RALGDS: variants seen among roughly 807,000 people sequenced by gnomAD.
RALGDS encodes ral guanine nucleotide dissociation stimulator, also known as ral guanine nucleotide exchange factor.
RALGDS carries 44 observed loss-of-function variants against 99.8 expected under a neutral mutation model. The observed-to-expected ratio is 0.44, with a 90% CI of 0.35 to 0.57. The LOEUF is 0.57. Ranked by LOEUF, RALGDS falls within the 20% of genes least tolerant of loss-of-function variation. The pLI is 0.01. For synonymous variants in RALGDS, 529 were observed against 505.0 expected (o/e 1.05, Z -0.64); for missense variants, 1,022 against 1,203.1 (o/e 0.85, Z 2.23).
chr9:133,131,352 C>T (rs1832329937), upstream of RALGDS, among the ~76,000 whole-genome samples: 2 of 152,088 alleles, frequency 1.3e-5, no homozygotes, highest in East Asian at 1.9e-4. Context: ...GCCCTGAAAC[C>T]TACCTCCCTG....
chr9:133,134,019 T>G (rs532078821), upstream of RALGDS, among the ~76,000 whole-genome samples: 1 of 152,208 alleles, frequency 6.6e-6, no homozygotes, highest in Non-Finnish European at 1.5e-5. Flanking sequence ...TCTTTCCTGC[T>G]GCTAACTTGA....
chr9:133,148,948 A>C, intron 1 of RALGDS: 2 of 1,601,500 alleles, frequency 1.2e-6, no homozygotes, highest in East Asian at 4.5e-5. Context: ...GAGGCTGGGG[A>C]CGGCGCGCAC....
chr9:133,098,452 C>T lies in RALGDS; in HGVS notation c.*135G>A, dbSNP rs1230800712. On this transcript the variant is annotated 3_prime_UTR_variant, in exon 18 of 18. Transcript: ENST00000372050. ...CAATGGCAGGCGTCAATCCCAGCAG[C>T]GGGAGAGGTTCAGGATGAAACTGGA... 1.9e-5 allele frequency: 18 copies of T among 926,384 alleles called. No individual in the cohort carries two copies. Among genetic ancestry groups the T allele is most frequent in the Middle Eastern group, 6.4e-4 (2 of 3,114 alleles). 57.4% of individuals were successfully genotyped at this position (926,384 alleles called of 1,614,324 possible).
intron 16 of RALGDS, 57 bp from the exon 17 acceptor site, chr9:133,100,439 G>T: frequency 6.2e-7 from 1 of 1,609,296 alleles, no homozygotes; most frequent in Non-Finnish European, 8.5e-7. Flanking sequence ...GGCTCCCCCA[G>T]AGTGCAGTGG....
At position 133,108,257 on chromosome 9, in the gene RALGDS, C is replaced by A; in HGVS notation, c.928G>T (p.Ala310Ser). 6.3e-7 allele frequency: 1 copy of A among 1,593,470 alleles called. No homozygotes were observed. Among genetic ancestry groups the A allele is most frequent in the Non-Finnish European group, 8.5e-7 (1 of 1,169,642 alleles). ...GCCTGCTGGAGCTCCGGAGCTGGTG[C>A]TGGAGCTACTTCTAGCTCTGAACCT... ...APGSELEVAP[A>S]PAPELQQAPE... Residue 310 changes from alanine (A) to serine (S), a missense_variant, in exon 6 of 18, where the codon GCA (alanine) becomes TCA (serine). By Grantham distance (99) the Ala-to-Ser change is moderately conservative (BLOSUM62 1). Coordinates refer to ENST00000372050, the MANE Select transcript of RALGDS (RefSeq NM_006266.4).
upstream of RALGDS, among the ~76,000 whole-genome samples, chr9:133,133,963 C>G (rs529631167): frequency 2.2e-4 from 34 of 152,354 alleles, no homozygotes; most frequent in East Asian, 7.7e-4. Context: ...GCACCACATC[C>G]TGTCCAGGAA....
rs1830681020 is a variant in RALGDS at position 133,100,043 on chromosome 9, G to A, written c.2569+225C>T. On this transcript the variant is annotated intron_variant, in intron 17 of 17. Coordinates refer to ENST00000372050, the MANE Select transcript of RALGDS (RefSeq NM_006266.4). ...TTTTCTCTTTGCTCCTCACTGATGTGAGCTTTGAACTGCCTGTTCACGCCT... is the reference window on the plus strand; with the variant it reads ...TTTTCTCTTTGCTCCTCACTGATGTAAGCTTTGAACTGCCTGTTCACGCCT... 4 of 608,110 alleles carry A rather than the reference G, an allele frequency of 6.6e-6. No homozygotes were observed. In the South Asian group the frequency reaches 7.5e-5, roughly 11 times the overall value. 37.7% of individuals were successfully genotyped at this position (608,110 alleles called of 1,614,324 possible). A position where few individuals can be genotyped will look rare whatever the true frequency, so the allele number is the denominator to read the frequency against.
intron 1 of RALGDS, among the ~76,000 whole-genome samples, chr9:133,120,398 T>A (rs1398665419): frequency 6.6e-6 from 1 of 151,052 alleles, no homozygotes; most frequent in Non-Finnish European, 1.5e-5. Context: ...TCCCACGTGT[T>A]GGAGGCCTGC....
rs1831161303 is a variant in RALGDS at position 133,108,121 on chromosome 9, G to A, written c.1064C>T (p.Pro355Leu). 1.2e-6 allele frequency: 2 copies of A among 1,610,572 alleles called. No homozygotes were observed. The highest frequency in any genetic ancestry group is 1.1e-5 in the South Asian group (1 of 90,984). ...AGGCTGTAATGATGGAACTGGTGCT[G>A]GAGCTGGCTCCAGCTCTAGAGTTTG... ...PSQTLELEPA[P>L]APVPSLQPSW... is the part of the protein sequence containing the mutation. The change falls in exon 6 of 18, where the codon CCA becomes CTA. Residue 355 changes from proline (P) to leucine (L), a missense_variant. Transcript: ENST00000372050.
chr9:133,110,162 A>G, intron 3 of RALGDS, 134 bp downstream of exon 3: 1 of 948,236 alleles, frequency 1.1e-6, no homozygotes, highest in South Asian at 1.5e-5. Flanking sequence ...AGGTCCTCTT[A>G]GCACTCCAGT....
At chr9:133,102,221 A>T in intron 14 of RALGDS, 82 bp from the exon 15 acceptor site, 1 of 1,446,612 alleles carries the variant, frequency 6.9e-7, no homozygotes, top group South Asian at 1.3e-5. Context: ...GCGCCCAAGG[A>T]CTGTGCAAAG....
chr9:133,105,904 C>G (rs747091981), intron 9 of RALGDS, 28 bp downstream of exon 9: 3 of 658,820 alleles, frequency 4.6e-6, no homozygotes, highest in Admixed American at 2.7e-5. Context: ...CCCGCCCCAG[C>G]CCCCGCCCCA....
At chr9:133,134,880 G>C (rs187175044), upstream of RALGDS, among the ~76,000 whole-genome samples, 1 of 152,126 alleles carries the variant, frequency 6.6e-6, no homozygotes, top group Non-Finnish European at 1.5e-5. Flanking sequence ...CTCAGAGATG[G>C]CACAAAGCTC....
Position 133,100,379 on chromosome 9 carries a change from T to A in RALGDS, c.2458A>T (p.Thr820Ser), listed in dbSNP as rs771391918. The A allele has an allele frequency of 3.7e-6, 6 of 1,614,100 alleles. No homozygotes were observed. The South Asian group carries it at 6.6e-5, about 18-fold the overall frequency. ...ACAGCCGGAGCCTTATCTTGGCTGG[T>A]CACCTGCATCGCGGCGGGGGATGGA... ...NGNMYKSILV[T>S]SQDKAPAVIR... is the part of the protein sequence containing the mutation. The change falls in exon 17 of 18, where the codon ACC becomes TCC. Residue 820 changes from threonine to serine, a missense_variant. By Grantham distance (58) the Thr-to-Ser change is moderately conservative. Around this residue, in one of 3 missense-constraint regions of RALGDS, gnomAD observed 825 missense variants for 994.5 expected, o/e 0.83. Transcript: ENST00000372050.
intron 9 of RALGDS, among the ~76,000 whole-genome samples, chr9:133,105,134 C>T (rs608587): frequency 0.77 from 116,727 of 152,118 alleles, 45,367 homozygotes; most frequent in African/African-American, 0.89. Context: ...AGCTGTGCCA[C>T]GGAGGGAGAG....
intron 1 of RALGDS, chr9:133,129,220 C>A (rs1235258234): frequency 1.3e-6 from 2 of 1,597,312 alleles, no homozygotes; most frequent in Non-Finnish European, 1.7e-6. Context: ...CGGCCCTTCT[C>A]CTGGCGGTCA....
chr9:133,143,840 A>C (rs1832577698), intron 1 of RALGDS, among the ~76,000 whole-genome samples: 1 of 150,452 alleles, frequency 6.6e-6, no homozygotes, highest in Non-Finnish European at 1.5e-5. Context: ...AATGGCTTCC[A>C]CTCATTCCAC....
chr9:133,127,875 C>G (rs749938139), intron 1 of RALGDS, among the ~76,000 whole-genome samples: 1 of 152,244 alleles, frequency 6.6e-6, no homozygotes, highest in Non-Finnish European at 1.5e-5. Context: ...CGGGGCGCTG[C>G]CGTCCCAGCA....
At position 133,108,703 on chromosome 9, in the gene RALGDS, G is replaced by C. The variant is rs562453822; in HGVS notation, c.748C>G (p.His250Asp). The C allele has an allele frequency of 2.5e-6, 4 of 1,613,686 alleles. No individual in the cohort carries two copies. The highest frequency in any genetic ancestry group is 1.3e-5 in the African/African-American group (1 of 75,036). ...RAHLLLAQLE[H>D]SEPIEAEPEA... ...GGCTCTGCCTCAATGGGTTCCGAGTGCTCCAGCTGGGCCAGGAGAAGGTGG... is the reference window on the plus strand; with the variant it reads ...GGCTCTGCCTCAATGGGTTCCGAGTCCTCCAGCTGGGCCAGGAGAAGGTGG... Residue 250 changes from histidine to aspartate, a missense_variant, in exon 5 of 18, where the codon CAC becomes GAC. This residue lies in a region of RALGDS where 825 missense variants were observed against 994.5 expected (regional missense o/e 0.83). Coordinates refer to ENST00000372050, the MANE Select transcript of RALGDS (RefSeq NM_006266.4).
Sources: gnomAD v4.1 joint callset for allele counts (sites outside exome capture counted in the v4.1 genomes callset) on GRCh38, gnomAD v4.1.1 for gene constraint, gnomAD v4.1.1 regional missense constraint, MANE v1.5 for transcripts, NCBI Gene and HGNC (gene_info 2026-07-23, HGNC 2026-07-21) for gene names.